CYFIP1: variants seen among roughly 807,000 people sequenced by gnomAD.
CYFIP1 encodes the protein cytoplasmic FMR1 interacting protein 1.
A neutral mutation model predicts 163.5 loss-of-function variants in CYFIP1; 58 were observed. That is an observed-to-expected ratio of 0.35 (90% CI 0.29 to 0.44). The LOEUF is 0.44. Among genes scored for constraint, CYFIP1 ranks in the 20% least tolerant of loss-of-function variants. The probability of loss-of-function intolerance (pLI) is 1.00; values close to 1 mark genes in which losing one functional copy is unlikely to be tolerated. For missense variants in CYFIP1, 1,338 were observed against 1,653.8 expected, an observed-to-expected ratio of 0.81 and a Z score of 3.31; for synonymous variants, 663 against 660.7, an observed-to-expected ratio of 1.00 and a Z score of -0.05.
intron 23 of CYFIP1, among the ~76,000 whole-genome samples, chr15:22,886,070 C>T (rs2059918850): frequency 6.6e-6 from 1 of 152,072 alleles, no homozygotes; most frequent in Non-Finnish European, 1.5e-5. Context: ...GGAGCAGGCA[C>T]CTTCTTCACA....
intron 1 of CYFIP1, among the ~76,000 whole-genome samples, chr15:22,951,804 G>A (rs1432734612): frequency 6.6e-6 from 1 of 152,206 alleles, no homozygotes; most frequent in Non-Finnish European, 1.5e-5. Flanking sequence ...GGTGGGGAGG[G>A]GCGCCACAGA....
intron 1 of CYFIP1, among the ~76,000 whole-genome samples, chr15:22,975,978 G>A (rs1265022096): frequency 6.6e-6 from 1 of 151,830 alleles, no homozygotes; most frequent in Non-Finnish European, 1.5e-5. Flanking sequence ...AATATGAAGA[G>A]AACTGATGTC....
At chr15:22,908,141 A>T (rs1016826399) in intron 21 of CYFIP1, among the ~76,000 whole-genome samples, 1 of 152,190 alleles carries the variant, frequency 6.6e-6, no homozygotes, top group African/African-American at 2.4e-5. Context: ...GGCAGACAGA[A>T]GGTAGGACTA....
intron 13 of CYFIP1, among the ~76,000 whole-genome samples, chr15:22,925,698 G>A (rs533631270): frequency 6.6e-6 from 1 of 152,208 alleles, no homozygotes; most frequent in South Asian, 2.1e-4. Flanking sequence ...CTCAGCAGGG[G>A]CCACATCTCT....
At chr15:22,950,645 T>C (rs888172865) in intron 1 of CYFIP1, among the ~76,000 whole-genome samples, 1 of 152,256 alleles carries the variant, frequency 6.6e-6, no homozygotes, top group Non-Finnish European at 1.5e-5. Flanking sequence ...AACTGTGCGC[T>C]GTTCTGAGTA....
chr15:22,887,232 AC>A (rs558478151), intron 23 of CYFIP1, among the ~76,000 whole-genome samples: 1 of 151,924 alleles, frequency 6.6e-6, no homozygotes, highest in South Asian at 2.1e-4. Flanking sequence ...GGGTCATGAG[AC>A]CCCCCAAAAC....
intron 20 of CYFIP1, among the ~76,000 whole-genome samples, chr15:22,910,291 G>A (rs12912776): frequency 0.4 from 60,987 of 151,848 alleles, 12,889 homozygotes; most frequent in African/African-American, 0.52. Context: ...ATCCCAGAGC[G>A]GCTGGGACTA....
chr15:22,954,076 A>T (rs2062355996), intron 1 of CYFIP1, among the ~76,000 whole-genome samples: 2 of 152,070 alleles, frequency 1.3e-5, no homozygotes, highest in South Asian at 4.1e-4. Context: ...AACAAAAACA[A>T]AAACAATAGG....
At chr15:22,910,913 C>A in intron 18 of CYFIP1, 100 bp from the exon 19 acceptor site, 1 of 1,040,484 alleles carries the variant, frequency 9.6e-7, no homozygotes. Flanking sequence ...CTAACTGAGG[C>A]TCTTTTATTT....
rs775617122 is a variant in CYFIP1 at position 22,917,797 on chromosome 15, G to C, written c.1665C>G (p.Ser555=). 6.2e-7 allele frequency: 1 copy of C among 1,608,732 alleles called. No individual in the cohort carries two copies. Among genetic ancestry groups the C allele is most frequent in the East Asian group, 2.2e-5 (1 of 44,792 alleles). The change falls in exon 15 of 31, where the codon TCC becomes TCG. Residue 555 remains serine (S), a synonymous_variant. Transcript: ENST00000617928. The surrounding 1 kb of genome is among the most constrained non-coding windows in gnomAD (Gnocchi z 4.2). ...IKVPRRAVGP[S]STQLYMVRTM... is the part of the protein sequence containing the mutation. ...CTCAAGGGACGAGAACCTGAGTGCT[G>C]GAGGGTCCCACGGCGCGGCGTGGTA...
rs953429911 is a variant in CYFIP1 at position 22,867,785 on chromosome 15, T to C, written c.*2243A>G. 2.6e-5 allele frequency: 4 copies of C among 152,230 alleles called. No homozygotes were observed. Among genetic ancestry groups the C allele is most frequent in the Non-Finnish European group, 5.9e-5 (4 of 68,050 alleles). 9.4% of individuals were successfully genotyped at this position (152,230 alleles called of 1,614,324 possible). A position where few individuals can be genotyped will look rare whatever the true frequency, so the allele number is the denominator to read the frequency against. On this transcript the variant is annotated 3_prime_UTR_variant, in exon 31 of 31. Transcript: ENST00000617928. ...AACATGTTTATAGAATATGGTCTCT[T>C]TGTACCAAGTACTTTGCTTAAGAGC...
In CYFIP1 at chr15:22,943,220, C is replaced by T. The variant is rs767926977; in HGVS notation, c.522G>A (p.Leu174=). ...FINMFAVLDE[L]KNMKCSVKND... ...TCTTCACACTGCACTTCATGTTCTTCAGCTCGTCCAGCACAGCGAACATGT... is the reference window on the plus strand; with the variant it reads ...TCTTCACACTGCACTTCATGTTCTTTAGCTCGTCCAGCACAGCGAACATGT... The change falls in exon 6 of 31, where the codon CTG becomes CTA. Residue 174 remains leucine (L), a synonymous_variant. Transcript: ENST00000617928. The T allele has an allele frequency of 4.3e-6, 7 of 1,614,236 alleles. No individual in the cohort carries two copies. In the South Asian group the frequency reaches 5.5e-5, roughly 13 times the overall value.
chr15:22,871,362 A>G lies in CYFIP1; in HGVS notation c.3598-1170T>C, dbSNP rs1044001944. On this transcript the variant is annotated intron_variant, in intron 30 of 30. Coordinates refer to ENST00000617928, the MANE Select transcript of CYFIP1 (RefSeq NM_014608.6). ...AATAAAACTGTCAGTTACCAAGAAGATTTGAAGAACCTAATTGAACTTTAA... is the reference window on the plus strand; with the variant it reads ...AATAAAACTGTCAGTTACCAAGAAGGTTTGAAGAACCTAATTGAACTTTAA... 2.6e-5 allele frequency among the ~76,000 whole-genome samples: 4 copies of G among 152,238 alleles called. No individual in the cohort carries two copies. In the South Asian group the frequency reaches 8.3e-4, roughly 31 times the overall value.
At chr15:22,959,449 G>A (rs2062599630) in intron 1 of CYFIP1, among the ~76,000 whole-genome samples, 1 of 152,202 alleles carries the variant, frequency 6.6e-6, no homozygotes, top group Non-Finnish European at 1.5e-5. Context: ...TGCCGACACT[G>A]AGCCCAGAGG....
At chr15:22,885,926 T>C (rs2059915464) in intron 23 of CYFIP1, among the ~76,000 whole-genome samples, 2 of 152,136 alleles carry the variant, frequency 1.3e-5, no homozygotes, top group South Asian at 4.1e-4. Context: ...TTTACTGTAT[T>C]AGTCCATTTT....
chr15:22,907,427 T>C (rs1174052297), intron 21 of CYFIP1, among the ~76,000 whole-genome samples: 3 of 152,188 alleles, frequency 2.0e-5, no homozygotes, highest in Admixed American at 6.5e-5. Context: ...GGAAGTCTCA[T>C]TGATCTGGAT....
chr15:22,919,978 T>C (rs763542476), intron 13 of CYFIP1, among the ~76,000 whole-genome samples: 32 of 151,716 alleles, frequency 2.1e-4, no homozygotes, highest in Non-Finnish European at 2.6e-4. Flanking sequence ...GCCATGACTA[T>C]GCCACTGCTC....
chr15:22,927,483 CA>C (rs1188331935), intron 12 of CYFIP1, among the ~76,000 whole-genome samples: 2,734 of 57,446 alleles, frequency 0.048, 65 homozygotes, highest in African/African-American at 0.14. Context: ...AACTCCGTCT[CA>C]AAAAAAAAAA....
rs1348734690 is a variant in CYFIP1 at position 22,927,887 on chromosome 15, G to A, written c.1233+19C>T. The A allele has an allele frequency of 1.3e-6, 2 of 1,588,184 alleles. No individual in the cohort carries two copies. Among genetic ancestry groups the A allele is most frequent in the East Asian group, 2.3e-5 (1 of 42,910 alleles). On this transcript the variant is annotated intron_variant, in intron 12 of 30. Coordinates refer to ENST00000617928, the MANE Select transcript of CYFIP1 (RefSeq NM_014608.6). Reference sequence around the variant, plus strand: ...CGAGGCAGCTTTGGAGCGGGGCTGGGGTCGGGGACGGGGCCTACCACTTCC... The same window carrying A: ...CGAGGCAGCTTTGGAGCGGGGCTGGAGTCGGGGACGGGGCCTACCACTTCC...
Sources: allele counts gnomAD v4.1 joint callset (sites outside exome capture counted in the v4.1 genomes callset), GRCh38; gene constraint gnomAD v4.1.1; non-coding constraint Gnocchi (gnomAD v3.1); transcripts MANE v1.5; gene names NCBI Gene and HGNC (gene_info 2026-07-23, HGNC 2026-07-21).